ARRB1: variants seen among roughly 807,000 people sequenced by gnomAD.
The protein encoded by ARRB1 is arrestin beta 1, also known as beta-arrestin-1.
In ARRB1, 21 loss-of-function variants were observed where a neutral mutation model predicts 56.8. The observed-to-expected ratio is 0.37, with a 90% CI of 0.26 to 0.53. The LOEUF (loss-of-function observed/expected upper bound fraction) is 0.53, where lower values mean the gene tolerates loss of function less well. Among genes scored for constraint, ARRB1 ranks in the 20% least tolerant of loss-of-function variants. The pLI is 0.88. For synonymous variants in ARRB1, 210 were observed against 218.6 expected, an observed-to-expected ratio of 0.96 and a Z score of 0.35; for missense variants, 424 against 553.7, an observed-to-expected ratio of 0.77 and a Z score of 2.35.
chr11:75,289,821 G>T (rs1946562763), intron 2 of ARRB1, among the ~76,000 whole-genome samples, 188 bp downstream of exon 2: 1 of 152,178 alleles, frequency 6.6e-6, no homozygotes, highest in Non-Finnish European at 1.5e-5. Flanking sequence ...TTTCCTGAGT[G>T]TGTCCCTCCC....
intron 1 of ARRB1, among the ~76,000 whole-genome samples, chr11:75,315,279 C>T (rs1947246802): frequency 6.6e-6 from 1 of 152,066 alleles, no homozygotes; most frequent in African/African-American, 2.4e-5. Context: ...TCCTGGTGAC[C>T]ACCTCGCTAT....
chr11:75,266,121 C>A lies in ARRB1; in HGVS notation c.*42G>T. The A allele has an allele frequency of 6.7e-7, 1 of 1,484,628 alleles. No individual in the cohort carries two copies. The highest frequency in any genetic ancestry group is 9.4e-7 in the Non-Finnish European group (1 of 1,062,272). 92.0% of individuals were successfully genotyped at this position (1,484,628 alleles called of 1,614,324 possible). ...GAAGACGAGTAAGCATCCGAGTGCA[C>A]GAGAGTGGAGCCGGAGCCACGTGGA... On this transcript the variant is annotated 3_prime_UTR_variant, in exon 16 of 16. Coordinates refer to ENST00000420843, the MANE Select transcript of ARRB1 (RefSeq NM_004041.5).
intron 1 of ARRB1, among the ~76,000 whole-genome samples, chr11:75,331,521 G>A (rs1947518679): frequency 6.6e-6 from 1 of 152,074 alleles, no homozygotes; most frequent in Non-Finnish European, 1.5e-5. Flanking sequence ...CTTAACTGAT[G>A]CCTTTATCTT....
chr11:75,265,821 C>A lies in ARRB1; in HGVS notation c.*342G>T. The A allele has an allele frequency of 3.0e-6, 1 of 333,360 alleles. No individual in the cohort carries two copies. Among genetic ancestry groups the A allele is most frequent in the Non-Finnish European group, 5.7e-6 (1 of 174,166 alleles). The allele number at this position is 333,360 out of a possible 1,614,324, so 20.7% of individuals were successfully genotyped here. ...CACCCCTCCAAGCCCTCATGCCCACCACACCGTGTCCCACATTCCCCATCC... is the reference window on the plus strand; with the variant it reads ...CACCCCTCCAAGCCCTCATGCCCACAACACCGTGTCCCACATTCCCCATCC... On this transcript the variant is annotated 3_prime_UTR_variant, in exon 16 of 16. Transcript: ENST00000420843.
rs1220868612 is a variant in ARRB1, at chr11:75,276,868, G to C, written c.747C>G (p.Tyr249Ter). Residue 249 changes from tyrosine (Y) to a stop codon, truncating the protein, a stop_gained, in exon 10 of 16, where the codon TAC becomes TAG. Transcript: ENST00000420843. LOFTEE classifies it high-confidence loss of function. The stretch of plus-strand genomic sequence containing the variant: ...CCTCTTCCATGGCAACAGGGCACTT[G>C]TACTGAGCTGTGTTGAAAAGGCAGA... ...ADICLFNTAQYKCPVAMEEAD... is the reference protein window; with the variant it reads ...ADICLFNTAQ 4 of 1,614,056 alleles carry C rather than the reference G, an allele frequency of 2.5e-6. No homozygotes were observed. The highest frequency in any genetic ancestry group is 3.4e-6 in the Non-Finnish European group (4 of 1,180,016).
chr11:75,299,007 ATGTTCAGAGTAGGCAAAT>A (rs906623753), intron 1 of ARRB1, among the ~76,000 whole-genome samples: 2 of 151,984 alleles, frequency 1.3e-5, no homozygotes, highest in African/African-American at 4.8e-5. Flanking sequence ...CTTGCATTAA[ATGTTCAGAGTAGGCAAAT>A]TGATAGAGAC....
chr11:75,280,064 G>A (rs537789166), intron 7 of ARRB1, among the ~76,000 whole-genome samples: 11 of 152,264 alleles, frequency 7.2e-5, no homozygotes, highest in Non-Finnish European at 1.3e-4. Flanking sequence ...CTTGATAAAT[G>A]ATAGCTTCTA....
chr11:75,300,884 C>G (rs943691690), intron 1 of ARRB1, among the ~76,000 whole-genome samples: 7 of 145,574 alleles, frequency 4.8e-5, no homozygotes, highest in African/African-American at 1.9e-4. Flanking sequence ...AGGAGAATGG[C>G]GTGAACCCGG....
intron 10 of ARRB1, among the ~76,000 whole-genome samples, chr11:75,276,547 G>GT (rs1946204895): frequency 6.6e-6 from 1 of 152,162 alleles, no homozygotes; most frequent in Non-Finnish European, 1.5e-5. Flanking sequence ...CTTGTACAAC[G>GT]TAATTATTTC....
chr11:75,312,230 C>A, intron 1 of ARRB1: 1 of 1,083,478 alleles, frequency 9.2e-7, no homozygotes, highest in Non-Finnish European at 1.2e-6. Flanking sequence ...AAATGCACCG[C>A]CAGGAACTGA....
At chr11:75,322,664 C>T (rs1020999726) in intron 1 of ARRB1, among the ~76,000 whole-genome samples, 2 of 152,114 alleles carry the variant, frequency 1.3e-5, no homozygotes, top group Non-Finnish European at 2.9e-5. Context: ...ACTCTGTCAC[C>T]GTGATAAGAT....
chr11:75,300,633 C>T (rs1740955940), intron 1 of ARRB1, among the ~76,000 whole-genome samples: 2 of 152,140 alleles, frequency 1.3e-5, no homozygotes, highest in South Asian at 4.1e-4. Context: ...AGATTGAGAC[C>T]ATCCTGGCCA....
intron 10 of ARRB1, among the ~76,000 whole-genome samples, chr11:75,276,151 T>C (rs1041553438): frequency 6.6e-6 from 1 of 152,020 alleles, no homozygotes; most frequent in African/African-American, 2.4e-5. Context: ...CATAAACAAA[T>C]ACACATATAC....
rs146795258 is a variant in ARRB1, at chr11:75,269,554, C to T, written c.1023-595G>A. Among the ~76,000 whole-genome samples, 18 of 152,304 alleles carry T rather than the reference C, an allele frequency of 1.2e-4. No homozygotes were observed. In the East Asian group the frequency reaches 1.5e-3, roughly 13 times the overall value. On this transcript the variant is annotated intron_variant, in intron 13 of 15. Transcript: ENST00000420843. Reference sequence around the variant, plus strand: ...CTGTGGGGATGCAGGGGAAAGCGGCCGGGAAGACCCAGCCACCAGCCAGTG... The same window carrying T: ...CTGTGGGGATGCAGGGGAAAGCGGCTGGGAAGACCCAGCCACCAGCCAGTG...
At chr11:75,323,668 T>TC (rs1565139665) in intron 1 of ARRB1, among the ~76,000 whole-genome samples, 2 of 151,680 alleles carry the variant, frequency 1.3e-5, no homozygotes, top group African/African-American at 4.9e-5. Context: ...AAACCTTCTC[T>TC]CCCCCCATGA....
rs574337970 is a variant in ARRB1 at position 75,306,806 on chromosome 11, G to A, written c.21-16767C>T. The A allele has an allele frequency of 1.9e-4, 109 of 569,016 alleles. No individual in the cohort carries two copies. The South Asian group carries it at 2.0e-3, about 10-fold the overall frequency. 35.2% of individuals were successfully genotyped at this position (569,016 alleles called of 1,614,324 possible). On this transcript the variant is annotated intron_variant, in intron 1 of 15. Transcript: ENST00000420843. Reference sequence around the variant, plus strand: ...TCCTCCGGGCTTCTCGGGCCATGGAGGGCGGATGTCCCTGGGCTGGCAGCA... The same window carrying A: ...TCCTCCGGGCTTCTCGGGCCATGGAAGGCGGATGTCCCTGGGCTGGCAGCA...
chr11:75,268,510 CAAA>C (rs61409833), intron 14 of ARRB1, among the ~76,000 whole-genome samples: 8,348 of 61,146 alleles, frequency 0.14, 320 homozygotes, highest in East Asian at 0.29. Flanking sequence ...GTCTCAAAAC[CAAA>C]AAAAAAAAAA....
chr11:75,346,518 G>C (rs1467288699), intron 1 of ARRB1, among the ~76,000 whole-genome samples: 1 of 152,068 alleles, frequency 6.6e-6, no homozygotes, highest in Admixed American at 6.5e-5. Flanking sequence ...CCTTGCTCCA[G>C]GCATGTAGAA....
chr11:75,266,531 A>C (rs1447750051), intron 15 of ARRB1, among the ~76,000 whole-genome samples: 1 of 152,168 alleles, frequency 6.6e-6, no homozygotes, highest in Non-Finnish European at 1.5e-5. Context: ...AGGGGCATGA[A>C]TTTGACTCTT....
Sources: allele counts gnomAD v4.1 joint callset (sites outside exome capture counted in the v4.1 genomes callset), GRCh38; gene constraint gnomAD v4.1.1; transcripts MANE v1.5; gene names NCBI Gene and HGNC (gene_info 2026-07-23, HGNC 2026-07-21).